BICD2: variants seen among roughly 807,000 people sequenced by gnomAD.
The protein encoded by BICD2 is protein bicaudal D homolog 2.
BICD2 carries 25 observed loss-of-function variants against 72.9 expected under a neutral mutation model. The observed-to-expected ratio is 0.34, with a 90% confidence interval of 0.25 to 0.48. The LOEUF (loss-of-function observed/expected upper bound fraction) is 0.48. BICD2 is among the 20% of genes least tolerant of loss of function. BICD2 has a pLI of 0.99. For synonymous variants in BICD2, 501 were observed against 516.1 expected (o/e 0.97, Z 0.40); for missense variants, 894 against 1,175.2 (o/e 0.76, Z 3.50).
At chr9:92,721,874 A>G (rs1017925479) in intron 3 of BICD2, among the ~76,000 whole-genome samples, 1 of 152,256 alleles carries the variant, frequency 6.6e-6, no homozygotes, top group African/African-American at 2.4e-5. Context: ...GAGCTGTCAC[A>G]GAAGGACCAG....
chr9:92,721,224 T>G (rs768640114), intron 3 of BICD2, among the ~76,000 whole-genome samples: 8 of 152,372 alleles, frequency 5.3e-5, no homozygotes, highest in Non-Finnish European at 1.0e-4. Context: ...TAACTAAATA[T>G]CTTAAGATAC....
Position 92,751,740 on chromosome 9 carries a change from A to C in BICD2, c.240+12765T>G, listed in dbSNP as rs145383077. ...TTACATCAGTATGAACTCATGGTTA[A>C]CTAAATATACATACAGGTGTATTTA... On this transcript the variant is annotated intron_variant, in intron 1 of 6. Coordinates refer to ENST00000356884, the MANE Select transcript of BICD2 (RefSeq NM_001003800.2). Among the ~76,000 whole-genome samples, 302 of 152,280 alleles carry C rather than the reference A, an allele frequency of 2.0e-3. 1 individual carries two copies. The highest frequency in any genetic ancestry group is 6.7e-3 in the African/African-American group (279 of 41,542).
chr9:92,722,835 AT>A (rs1853492234), intron 2 of BICD2, 27 bp from the exon 3 acceptor site: 1 of 1,613,576 alleles, frequency 6.2e-7, no homozygotes, highest in Non-Finnish European at 8.5e-7. Flanking sequence ...AAAGGCAGGT[AT>A]GAGCAGCCTC....
intron 1 of BICD2, among the ~76,000 whole-genome samples, chr9:92,755,384 G>C (rs908942492): frequency 3.9e-5 from 6 of 152,194 alleles, no homozygotes. Flanking sequence ...CTTGCCTCAT[G>C]ATATTCTATT....
At chr9:92,739,473 CAGTGA>C (rs1442232340) in intron 1 of BICD2, among the ~76,000 whole-genome samples, 1 of 152,224 alleles carries the variant, frequency 6.6e-6, no homozygotes, top group African/African-American at 2.4e-5. Context: ...CCCACAACCA[CAGTGA>C]GGAGCCCGTG....
chr9:92,742,288 G>A (rs548699561), intron 1 of BICD2, among the ~76,000 whole-genome samples: 10 of 151,876 alleles, frequency 6.6e-5, no homozygotes, highest in East Asian at 5.8e-4. Flanking sequence ...CATAATCCAC[G>A]TCATAATATT....
rs145109852 is a variant in BICD2 at position 92,751,971 on chromosome 9, A to G, written c.240+12534T>C. Among the ~76,000 whole-genome samples, 1,190 of 151,936 alleles carry G rather than the reference A, an allele frequency of 7.8e-3. 15 individuals carry two copies. Among genetic ancestry groups the G allele is most frequent in the African/African-American group, 0.027 (1,114 of 41,404 alleles). The stretch of plus-strand genomic sequence containing the variant: ...AGGCGCCCACCACCACGAACAGCTA[A>G]TTTTTGTATTTTTAGTAGAGACGAG... On this transcript the variant is annotated intron_variant, in intron 1 of 6. Coordinates refer to ENST00000356884, the MANE Select transcript of BICD2 (RefSeq NM_001003800.2).
At chr9:92,743,264 C>T (rs1049639165) in intron 1 of BICD2, among the ~76,000 whole-genome samples, 14 of 152,068 alleles carry the variant, frequency 9.2e-5, no homozygotes, top group Non-Finnish European at 4.4e-5. Context: ...GAGATCACAG[C>T]TCCCTTCAGC....
At chr9:92,752,370 T>C (rs1854168685) in intron 1 of BICD2, among the ~76,000 whole-genome samples, 1 of 150,488 alleles carries the variant, frequency 6.6e-6, no homozygotes, top group South Asian at 2.1e-4. Context: ...TGTGGTATGT[T>C]AAAGGGGGTA....
intron 3 of BICD2, among the ~76,000 whole-genome samples, chr9:92,722,167 C>T (rs1358988783): frequency 6.6e-6 from 1 of 152,204 alleles, no homozygotes; most frequent in Non-Finnish European, 1.5e-5. Context: ...CCTCCTTATT[C>T]ATCTCTGTCA....
In BICD2 at chr9:92,714,505, T is replaced by C. The variant is rs1853261702; in HGVS notation, c.*649A>G. The stretch of plus-strand genomic sequence containing the variant: ...AACCGAGCTCTGGATTCCTGGGTTA[T>C]GGTCAGCTGTGTCTGTGCCATGTGT... On this transcript the variant is annotated 3_prime_UTR_variant, in exon 7 of 7. Transcript: ENST00000356884. 1 of 985,514 alleles carries C rather than the reference T, an allele frequency of 1.0e-6. No individual in the cohort carries two copies. Among genetic ancestry groups the C allele is most frequent in the Non-Finnish European group, 1.2e-6 (1 of 829,950 alleles). The allele number at this position is 985,514 out of a possible 1,614,324, so 61.0% of individuals were successfully genotyped here. A position where few individuals can be genotyped will look rare whatever the true frequency, so the allele number is the denominator to read the frequency against.
intron 1 of BICD2, among the ~76,000 whole-genome samples, chr9:92,761,175 A>G (rs1253502714): frequency 6.6e-6 from 1 of 152,176 alleles, no homozygotes; most frequent in African/African-American, 2.4e-5. Context: ...GGCAGTCCCA[A>G]GCCAGGCTGT....
chr9:92,742,356 C>T, intron 1 of BICD2, among the ~76,000 whole-genome samples: 1 of 151,786 alleles, frequency 6.6e-6, no homozygotes, highest in East Asian at 1.9e-4. Context: ...GTTGGGTGAA[C>T]ATCACCATTA....
At position 92,718,488 on chromosome 9, in the gene BICD2, A is replaced by C. The variant is rs151197289; in HGVS notation, c.2106+51T>G. On this transcript the variant is annotated intron_variant, in intron 5 of 6. Coordinates refer to ENST00000356884, the MANE Select transcript of BICD2 (RefSeq NM_001003800.2). Reference sequence around the variant, plus strand: ...GGAGGAAGGAGGCCAAGGGGGAAACACCCTTAGGCCAGTAGTAGGTGACAT... The same window carrying C: ...GGAGGAAGGAGGCCAAGGGGGAAACCCCCTTAGGCCAGTAGTAGGTGACAT... 186 of 1,547,474 alleles carry C rather than the reference A, an allele frequency of 1.2e-4. No homozygotes were observed. In the African/African-American group the frequency reaches 2.2e-3, roughly 18 times the overall value.
chr9:92,717,751 A>G (rs1049337357), intron 6 of BICD2, 46 bp downstream of exon 6: 1 of 1,554,086 alleles, frequency 6.4e-7, no homozygotes, highest in South Asian at 1.2e-5. Flanking sequence ...AGTGCTGAGG[A>G]CAGCTGGCCT....
In BICD2 at chr9:92,719,521, T is replaced by C. The variant is rs1443276709; in HGVS notation, c.1124A>G (p.His375Arg). ...TLQDTQKQLEHTRGSLSEQQE... is the reference protein window; with the variant it reads ...TLQDTQKQLERTRGSLSEQQE... The stretch of plus-strand genomic sequence containing the variant: ...CTGTTCTGACAGGGAGCCCCGCGTG[T>C]GCTCCAGCTGCTTCTGTGTGTCCTG... The change falls in exon 5 of 7, where the codon CAC becomes CGC. Residue 375 changes from histidine to arginine, a missense_variant. His to Arg is a conservative substitution (Grantham distance 29). This residue lies in a region of BICD2 where 371 missense variants were observed against 439.1 expected (regional missense o/e 0.84). Coordinates refer to ENST00000356884, the MANE Select transcript of BICD2 (RefSeq NM_001003800.2). 2 of 1,613,214 alleles carry C rather than the reference T, an allele frequency of 1.2e-6. No homozygotes were observed. Among genetic ancestry groups the C allele is most frequent in the East Asian group, 2.2e-5 (1 of 44,892 alleles).
Position 92,715,472 on chromosome 9 carries a change from AC to A in BICD2, c.2259-10del, listed in dbSNP as rs1350931829. ...TAATGTACTCGTCACACCTGTGGGT[AC>A]CAAAAACATGACTGAGGGGCGGGCA... On this transcript the variant is annotated splice_polypyrimidine_tract_variant and intron_variant, in intron 6 of 6. Transcript: ENST00000356884. 1 of 1,569,564 alleles carries A rather than the reference AC, an allele frequency of 6.4e-7. No individual in the cohort carries two copies. The highest frequency in any genetic ancestry group is 2.3e-5 in the East Asian group (1 of 44,090).
rs759188060 is a variant in BICD2, at chr9:92,764,386, G to A, written c.240+119C>T. 1.1e-4 allele frequency: 146 copies of A among 1,311,026 alleles called. No individual in the cohort carries two copies. The highest frequency in any genetic ancestry group is 1.3e-4 in the Non-Finnish European group (128 of 1,023,412). 81.2% of individuals were successfully genotyped at this position (1,311,026 alleles called of 1,614,324 possible). On this transcript the variant is annotated intron_variant, in intron 1 of 6. Transcript: ENST00000356884. This position sits in a 1 kb window ranked among gnomAD's most constrained non-coding sequence, Gnocchi z 5.5. ...TACTGCCCGTGCCCCCTCCGCCCCG[G>A]CGGCCCACCCCTGCCGGCCCCCGCT...
intron 1 of BICD2, among the ~76,000 whole-genome samples, chr9:92,743,096 A>G (rs960417332): frequency 7.9e-5 from 12 of 152,232 alleles, no homozygotes; most frequent in Non-Finnish European, 1.5e-4. Context: ...TCCCACTTGC[A>G]ACATAGGAGG....
Sources: allele counts gnomAD v4.1 joint callset (sites outside exome capture counted in the v4.1 genomes callset), GRCh38; gene constraint gnomAD v4.1.1; regional missense constraint gnomAD v4.1.1; non-coding constraint Gnocchi (gnomAD v3.1); transcripts MANE v1.5; gene names NCBI Gene and HGNC (gene_info 2026-07-23, HGNC 2026-07-21).